TMCC1: variants seen among roughly 807,000 people sequenced by gnomAD.
The protein encoded by TMCC1 is transmembrane and coiled-coil domain family 1.
In TMCC1, 15 loss-of-function variants were observed where a neutral mutation model predicts 52.4. That is an observed-to-expected ratio of 0.29 (90% confidence interval 0.19 to 0.44). The LOEUF (loss-of-function observed/expected upper bound fraction) is 0.44. Among genes scored for constraint, TMCC1 ranks in the 20% least tolerant of loss-of-function variants. The pLI is 1.00. For missense variants in TMCC1, 503 were observed against 806.0 expected, an observed-to-expected ratio of 0.62 and a Z score of 4.55; for synonymous variants, 279 against 301.9, an observed-to-expected ratio of 0.92 and a Z score of 0.79.
At chr3:129,721,177 C>T (rs73866112) in intron 4 of TMCC1, among the ~76,000 whole-genome samples, 2,354 of 152,246 alleles carry the variant, frequency 0.015, 46 homozygotes, top group African/African-American at 0.054. Flanking sequence ...TCTGGCTGTA[C>T]CCCTGCCTGG....
chr3:129,717,193 T>C (rs1481454866), intron 4 of TMCC1, among the ~76,000 whole-genome samples: 1 of 152,194 alleles, frequency 6.6e-6, no homozygotes, highest in Non-Finnish European at 1.5e-5. Context: ...CCCACTCAAC[T>C]GGCTTTTATC....
intron 4 of TMCC1, among the ~76,000 whole-genome samples, chr3:129,717,944 A>G (rs1005194063): frequency 6.6e-6 from 1 of 152,188 alleles, no homozygotes; most frequent in African/African-American, 2.4e-5. Context: ...TATGAAATAC[A>G]TAGTTGACCC....
At chr3:129,751,468 T>C (rs1405457358) in intron 4 of TMCC1, among the ~76,000 whole-genome samples, 1 of 152,054 alleles carries the variant, frequency 6.6e-6, no homozygotes, top group Non-Finnish European at 1.5e-5. Context: ...AGTTTGAGGC[T>C]GCAGTGAGCC....
chr3:129,877,334 C>T (rs2061262371), intron 2 of TMCC1, among the ~76,000 whole-genome samples: 1 of 152,176 alleles, frequency 6.6e-6, no homozygotes, highest in African/African-American at 2.4e-5. Flanking sequence ...ACACTTTCCT[C>T]ATTAGACTCC....
chr3:129,713,175 T>C (rs1250139673), intron 4 of TMCC1, among the ~76,000 whole-genome samples: 2 of 152,170 alleles, frequency 1.3e-5, no homozygotes, highest in Non-Finnish European at 2.9e-5. Flanking sequence ...GGTGGGAGGA[T>C]GGCTTGAACT....
At chr3:129,750,429 C>T (rs551195296) in intron 4 of TMCC1, among the ~76,000 whole-genome samples, 8 of 151,726 alleles carry the variant, frequency 5.3e-5, no homozygotes, top group Admixed American at 2.0e-4. Context: ...TGACCTCAGG[C>T]AATCCACCTG....
At chr3:129,712,001 CAAAAAAAAAA>C (rs71155567) in intron 4 of TMCC1, among the ~76,000 whole-genome samples, 4 of 47,718 alleles carry the variant, frequency 8.4e-5, no homozygotes, top group Admixed American at 7.1e-4. Flanking sequence ...GACTCTGTCT[CAAAAAAAAAA>C]AAAAAAAAAA....
chr3:129,845,239 T>C (rs776000570), intron 2 of TMCC1, among the ~76,000 whole-genome samples: 38 of 151,724 alleles, frequency 2.5e-4, no homozygotes, highest in Non-Finnish European at 4.6e-4. Context: ...ACTACTTCCA[T>C]AATGGGCCAG....
At chr3:129,877,245 T>G (rs1560602395) in intron 2 of TMCC1, among the ~76,000 whole-genome samples, 1 of 152,196 alleles carries the variant, frequency 6.6e-6, no homozygotes, top group Non-Finnish European at 1.5e-5. Flanking sequence ...ACTGCCACAT[T>G]GTTAAATCAA....
At chr3:129,666,586 A>C (rs1254523169) in intron 5 of TMCC1, among the ~76,000 whole-genome samples, 4 of 151,914 alleles carry the variant, frequency 2.6e-5, no homozygotes, top group African/African-American at 9.7e-5. Flanking sequence ...TAAAAATACA[A>C]AAAAGTAGCT....
intron 4 of TMCC1, among the ~76,000 whole-genome samples, chr3:129,700,712 T>A (rs763261770): frequency 1.5e-4 from 23 of 151,450 alleles, no homozygotes; most frequent in Non-Finnish European, 2.9e-4. Flanking sequence ...CCTGACCTCG[T>A]GATCTGCCTG....
intron 4 of TMCC1, among the ~76,000 whole-genome samples, chr3:129,800,847 G>A (rs1025670757): frequency 7.9e-5 from 12 of 151,270 alleles, no homozygotes; most frequent in Non-Finnish European, 1.2e-4. Context: ...CAAAGAACAC[G>A]TAGCAAATTA....
intron 4 of TMCC1, among the ~76,000 whole-genome samples, chr3:129,707,250 A>G (rs1362578835): frequency 6.6e-6 from 1 of 152,228 alleles, no homozygotes; most frequent in African/African-American, 2.4e-5. Flanking sequence ...TGAGTAAGAA[A>G]TAAAAGCATA....
At position 129,693,752 on chromosome 3, in the gene TMCC1, C is replaced by T. The variant is rs904662520; in HGVS notation, c.577-22488G>A. On this transcript the variant is annotated intron_variant, in intron 4 of 6. Transcript: ENST00000393238. ...ACATTTTAGTAGATTGATTCTGCCT[C>T]TGTGATCTGAATAAAACATTAAGTA... Among the ~76,000 whole-genome samples the T allele has an allele frequency of 3.3e-5, 5 of 152,084 alleles. No individual in the cohort carries two copies. The East Asian group carries it at 7.7e-4, about 23-fold the overall frequency.
intron 2 of TMCC1, among the ~76,000 whole-genome samples, chr3:129,867,493 T>C (rs983108145): frequency 2.6e-5 from 4 of 152,240 alleles, no homozygotes; most frequent in Admixed American, 6.5e-5. Flanking sequence ...TGAAGTGCCA[T>C]ATCAAATCTA....
intron 4 of TMCC1, among the ~76,000 whole-genome samples, chr3:129,706,856 G>T (rs2048285902): frequency 6.6e-6 from 1 of 151,980 alleles, no homozygotes; most frequent in Non-Finnish European, 1.5e-5. Flanking sequence ...GGAGTGCAAT[G>T]GCTATTCACA....
intron 4 of TMCC1, among the ~76,000 whole-genome samples, chr3:129,792,504 C>T (rs1411806017): frequency 6.6e-6 from 1 of 152,094 alleles, no homozygotes; most frequent in Non-Finnish European, 1.5e-5. Context: ...GCACGCACCA[C>T]CATGCCCGGT....
At chr3:129,890,344 C>T (rs2061908084) in intron 1 of TMCC1, among the ~76,000 whole-genome samples, 1 of 152,158 alleles carries the variant, frequency 6.6e-6, no homozygotes, top group African/African-American at 2.4e-5. Context: ...CAGGAAATGC[C>T]AATATGGATA....
At position 129,651,072 on chromosome 3, in the gene TMCC1, G is replaced by C. The variant is rs2086293358; in HGVS notation, c.*409C>G. On this transcript the variant is annotated 3_prime_UTR_variant, in exon 7 of 7. Coordinates refer to ENST00000393238, the MANE Select transcript of TMCC1 (RefSeq NM_001017395.5). The surrounding 1 kb of genome is among the most constrained non-coding windows in gnomAD (Gnocchi z 5.1). ...AAGTTAGTCTGGGATAGGGAGAGGTGATGAGCCCAGACAAGGCAGGGTGTT... is the reference window on the plus strand; with the variant it reads ...AAGTTAGTCTGGGATAGGGAGAGGTCATGAGCCCAGACAAGGCAGGGTGTT... 6.2e-6 allele frequency: 1 copy of C among 162,212 alleles called. No individual in the cohort carries two copies. Among genetic ancestry groups the C allele is most frequent in the Non-Finnish European group, 1.4e-5 (1 of 73,728 alleles). 10.0% of individuals were successfully genotyped at this position (162,212 alleles called of 1,614,324 possible). A position where few individuals can be genotyped will look rare whatever the true frequency, so the allele number is the denominator to read the frequency against.
Sources: allele counts gnomAD v4.1 joint callset (sites outside exome capture counted in the v4.1 genomes callset), GRCh38; gene constraint gnomAD v4.1.1; non-coding constraint Gnocchi (gnomAD v3.1); transcripts MANE v1.5; gene names NCBI Gene and HGNC (gene_info 2026-07-23, HGNC 2026-07-21).